CSMD1: variants seen among roughly 807,000 people sequenced by gnomAD.
The protein encoded by CSMD1 is CUB and Sushi multiple domains 1, also known as CUB and sushi domain-containing protein 1.
Under a neutral mutation model 417.5 loss-of-function variants are expected in CSMD1, and 213 were observed. The ratio of observed to expected loss-of-function variants is 0.51; its 90% CI spans 0.46 to 0.57. CSMD1 has a LOEUF of 0.57. Ranked by LOEUF, CSMD1 falls within the 20% of genes least tolerant of loss-of-function variation. The pLI is 0.00. For missense variants in CSMD1, 6,923 were observed against 4,529.7 expected, an observed-to-expected ratio of 1.53 and a Z score of -15.17; for synonymous variants, 2,862 against 1,736.8, an observed-to-expected ratio of 1.65 and a Z score of -16.11.
intron 3 of CSMD1, among the ~76,000 whole-genome samples, chr8:4,090,441 T>C (rs1381867417): frequency 6.6e-6 from 1 of 152,222 alleles, no homozygotes; most frequent in Non-Finnish European, 1.5e-5. Context: ...TTTAATTTTT[T>C]TAAGAAAATA....
At chr8:3,809,628 G>T (rs750395016) in intron 5 of CSMD1, among the ~76,000 whole-genome samples, 1 of 152,114 alleles carries the variant, frequency 6.6e-6, no homozygotes, top group African/African-American at 2.4e-5. Context: ...TCTGTCTCTG[G>T]TGGCGGCTAA....
chr8:3,094,757 A>C (rs1008184760), intron 47 of CSMD1, among the ~76,000 whole-genome samples: 4 of 148,934 alleles, frequency 2.7e-5, no homozygotes, highest in African/African-American at 9.9e-5. Flanking sequence ...TATATTCAAC[A>C]TGTTTTTTGG....
chr8:4,784,032 T>A (rs1039664752), intron 1 of CSMD1, among the ~76,000 whole-genome samples: 3 of 152,184 alleles, frequency 2.0e-5, no homozygotes, highest in African/African-American at 7.2e-5. Flanking sequence ...AAAAAAAGTG[T>A]ATTTGATAAT....
At chr8:4,127,770 T>C (rs4551382) in intron 3 of CSMD1, among the ~76,000 whole-genome samples, 1 of 152,360 alleles carries the variant, frequency 6.6e-6, no homozygotes, top group Non-Finnish European at 1.5e-5. Context: ...ACATATATTG[T>C]CTCATTTAAT....
intron 46 of CSMD1, among the ~76,000 whole-genome samples, chr8:3,105,430 G>C (rs779030186): frequency 1.3e-5 from 2 of 152,182 alleles, no homozygotes; most frequent in African/African-American, 4.8e-5. Flanking sequence ...GAAAGCTTTT[G>C]GATAGGTGAA....
chr8:4,292,615 A>T (rs901074664), intron 3 of CSMD1, among the ~76,000 whole-genome samples: 1 of 152,144 alleles, frequency 6.6e-6, no homozygotes, highest in African/African-American at 2.4e-5. Flanking sequence ...ACATGTAAAC[A>T]TGTTGATATT....
chr8:3,916,380 A>C (rs1389154346), intron 5 of CSMD1, among the ~76,000 whole-genome samples: 1 of 152,192 alleles, frequency 6.6e-6, no homozygotes, highest in East Asian at 1.9e-4. Flanking sequence ...ATAGGAGGTA[A>C]TTCCATGATG....
intron 1 of CSMD1, among the ~76,000 whole-genome samples, chr8:4,645,624 G>A (rs1385455385): frequency 6.6e-6 from 1 of 151,992 alleles, no homozygotes; most frequent in East Asian, 1.9e-4. Context: ...AGTAATTGTA[G>A]ACTGGCAAAA....
At chr8:4,738,523 C>T (rs968715106) in intron 1 of CSMD1, among the ~76,000 whole-genome samples, 8 of 152,036 alleles carry the variant, frequency 5.3e-5, no homozygotes, top group African/African-American at 1.9e-4. Context: ...TCAATGACAT[C>T]CACCTGGCCA....
chr8:3,353,831 A>G (rs1808569999), intron 21 of CSMD1, among the ~76,000 whole-genome samples: 1 of 152,242 alleles, frequency 6.6e-6, no homozygotes. Context: ...CTATAATTGA[A>G]TTGTCACTTA....
At chr8:4,109,035 A>G (rs1317629721) in intron 3 of CSMD1, among the ~76,000 whole-genome samples, 1 of 152,234 alleles carries the variant, frequency 6.6e-6, no homozygotes, top group East Asian at 1.9e-4. Flanking sequence ...ATATCTACAG[A>G]TGCTCAAGTC....
Position 3,164,036 on chromosome 8 carries a change from C to T in CSMD1, c.5726-1759G>A, listed in dbSNP as rs1314439292. On this transcript the variant is annotated intron_variant, in intron 37 of 69. Coordinates refer to ENST00000635120, the MANE Select transcript of CSMD1 (RefSeq NM_033225.6). ...GTGTTCACCAGTGCCGACCCCAGAT[C>T]TGCTGAGTCGGAGGCAACACCATCC... 2.6e-5 allele frequency among the ~76,000 whole-genome samples: 4 copies of T among 152,188 alleles called. No homozygotes were observed. In the East Asian group the frequency reaches 7.7e-4, roughly 29 times the overall value.
intron 1 of CSMD1, among the ~76,000 whole-genome samples, chr8:4,641,764 G>A (rs1803207323): frequency 6.6e-6 from 1 of 152,140 alleles, no homozygotes; most frequent in Non-Finnish European, 1.5e-5. Flanking sequence ...AAATAAAATG[G>A]TGAGTAAATA....
chr8:4,534,509 G>C (rs1563264586), intron 2 of CSMD1, among the ~76,000 whole-genome samples: 1 of 152,090 alleles, frequency 6.6e-6, no homozygotes, highest in African/African-American at 2.4e-5. Context: ...TACAGGTGTA[G>C]GATTGTTACA....
chr8:4,205,719 T>A (rs1355266805), intron 3 of CSMD1, among the ~76,000 whole-genome samples: 1 of 126,562 alleles, frequency 7.9e-6, no homozygotes, highest in Non-Finnish European at 1.7e-5. Context: ...TAGAGGTTTA[T>A]TTCAGCTCAC....
intron 15 of CSMD1, among the ~76,000 whole-genome samples, chr8:3,401,745 T>C (rs940463429): frequency 6.6e-6 from 1 of 152,146 alleles, no homozygotes; most frequent in Non-Finnish European, 1.5e-5. Flanking sequence ...GACCCAGAAG[T>C]TGAGTACAGC....
intron 3 of CSMD1, among the ~76,000 whole-genome samples, chr8:4,257,453 C>A (rs1381828621): frequency 6.6e-6 from 1 of 151,994 alleles, no homozygotes; most frequent in African/African-American, 2.4e-5. Context: ...TTAAGAATTC[C>A]TTCCTTAATA....
chr8:4,389,922 A>C (rs906187475), intron 3 of CSMD1, among the ~76,000 whole-genome samples: 5 of 152,214 alleles, frequency 3.3e-5, no homozygotes, highest in Admixed American at 6.5e-5. Context: ...TTATAATTCT[A>C]GGATGAATAG....
chr8:3,509,334 G>A (rs78848872), intron 10 of CSMD1, among the ~76,000 whole-genome samples: 9,003 of 152,132 alleles, frequency 0.059, 406 homozygotes, highest in Admixed American at 0.14. Flanking sequence ...ATCATTTTAC[G>A]TTCACTGTTT....
Sources: allele counts gnomAD v4.1 joint callset (sites outside exome capture counted in the v4.1 genomes callset), GRCh38; gene constraint gnomAD v4.1.1; transcripts MANE v1.5; gene names NCBI Gene and HGNC (gene_info 2026-07-23, HGNC 2026-07-21).